The following KLHL14 variants were observed in gnomAD, a reference collection of about 807,000 sequenced individuals.
KLHL14 encodes kelch like family member 14.
Under a neutral mutation model 64.3 loss-of-function variants are expected in KLHL14, and 22 were observed. The ratio of observed to expected loss-of-function variants is 0.34; its 90% CI spans 0.24 to 0.49. KLHL14 has a LOEUF of 0.49. KLHL14 is among the 20% of genes least tolerant of loss of function. KLHL14 has a pLI of 0.99. For missense variants in KLHL14, 661 were observed against 789.0 expected, an observed-to-expected ratio of 0.84 and a Z score of 1.94; for synonymous variants, 322 against 333.4, an observed-to-expected ratio of 0.97 and a Z score of 0.37.
intron 3 of KLHL14, among the ~76,000 whole-genome samples, chr18:32,725,167 C>T (rs149064662): frequency 3.2e-4 from 48 of 152,128 alleles, no homozygotes; most frequent in African/African-American, 1.1e-3. Context: ...GATGGGACTA[C>T]AGGCATACAC....
At chr18:32,720,138 G>A (rs2050069948) in intron 3 of KLHL14, among the ~76,000 whole-genome samples, 1 of 152,212 alleles carries the variant, frequency 6.6e-6, no homozygotes, top group Non-Finnish European at 1.5e-5. Flanking sequence ...GCATGTATTA[G>A]CAAAAACTGG....
Position 32,769,784 on chromosome 18 carries a change from G to A in KLHL14, c.808C>T (p.Pro270Ser), listed in dbSNP as rs2050368088. The A allele has an allele frequency of 8.1e-6, 13 of 1,610,176 alleles. No individual in the cohort carries two copies. The highest frequency in any genetic ancestry group is 1.1e-5 in the Non-Finnish European group (13 of 1,177,314). Residue 270 changes from proline (P) to serine (S), a missense_variant, in exon 2 of 9, where the codon CCG (proline) becomes TCG (serine). By Grantham distance (74) the Pro-to-Ser change is moderately conservative (BLOSUM62 -1). Around this residue, in one of 2 missense-constraint regions of KLHL14, gnomAD observed 330 missense variants for 450.0 expected, o/e 0.73. Coordinates refer to ENST00000359358, the MANE Select transcript of KLHL14 (RefSeq NM_020805.3). ...ACCCGCTCCACCAGCTCCGGGGCCG[G>A]GATGAGGGCGAAGCGGAGGCGCTTC... ...LMKRLRFALI[P>S]APELVERVQS...
intron 3 of KLHL14, among the ~76,000 whole-genome samples, chr18:32,700,428 C>G (rs1294466110): frequency 6.6e-6 from 1 of 152,094 alleles, no homozygotes; most frequent in East Asian, 1.9e-4. Flanking sequence ...TACCCTCGGC[C>G]CACCCTCAGC....
At chr18:32,681,530 G>A (rs888897832) in intron 5 of KLHL14, among the ~76,000 whole-genome samples, 1 of 152,136 alleles carries the variant, frequency 6.6e-6, no homozygotes, top group African/African-American at 2.4e-5. Context: ...TGATTAGTTT[G>A]AAACTTGAAG....
intron 3 of KLHL14, among the ~76,000 whole-genome samples, chr18:32,718,917 T>C (rs1341641822): frequency 6.6e-6 from 1 of 152,230 alleles, no homozygotes; most frequent in Admixed American, 6.5e-5. Context: ...ATTTTCACTA[T>C]ATCATGCTAT....
chr18:32,755,152 G>A (rs1038371780), intron 2 of KLHL14, among the ~76,000 whole-genome samples: 1 of 151,946 alleles, frequency 6.6e-6, no homozygotes, highest in Non-Finnish European at 1.5e-5. Flanking sequence ...ACCAACCCTC[G>A]AGGGACCATG....
At chr18:32,734,024 A>G (rs2050150399) in intron 3 of KLHL14, 1 of 625,904 alleles carries the variant, frequency 1.6e-6, no homozygotes. Context: ...CTTCTCACCC[A>G]GAGGTCCTCC....
intron 2 of KLHL14, among the ~76,000 whole-genome samples, chr18:32,742,624 C>A (rs1276576395): frequency 4.6e-5 from 7 of 152,186 alleles, no homozygotes; most frequent in Non-Finnish European, 4.4e-5. Context: ...TAGACTTCTG[C>A]CTTCTTCCCC....
At chr18:32,750,055 A>AGC (rs2050243614) in intron 2 of KLHL14, among the ~76,000 whole-genome samples, 1 of 151,062 alleles carries the variant, frequency 6.6e-6, no homozygotes, top group Non-Finnish European at 1.5e-5. Flanking sequence ...GAGAGAGGAG[A>AGC]GCACACGTGT....
At chr18:32,743,003 C>G (rs184793002) in intron 2 of KLHL14, 210 of 152,396 alleles carry the variant, frequency 1.4e-3, no homozygotes, top group African/African-American at 4.9e-3. Context: ...TGCACCCTGG[C>G]CAGCACACTC....
In KLHL14 at chr18:32,719,896, C is replaced by T. The variant is rs866550280; in HGVS notation, c.1069+22032G>A. ...CAGGTGTAATGGGATGTGCTCCCTT[C>T]GCAGCCTGTACCTACTTCAATCTCA... On this transcript the variant is annotated intron_variant, in intron 3 of 8. Transcript: ENST00000359358. Among the ~76,000 whole-genome samples the T allele has an allele frequency of 3.3e-5, 5 of 152,182 alleles. No homozygotes were observed. The South Asian group carries it at 6.2e-4, about 19-fold the overall frequency.
intron 8 of KLHL14, among the ~76,000 whole-genome samples, chr18:32,676,166 G>C (rs1364420934): frequency 6.6e-6 from 1 of 152,078 alleles, no homozygotes; most frequent in East Asian, 1.9e-4. Context: ...GAAAAAGAAA[G>C]AAGCTGAATT....
intron 3 of KLHL14, among the ~76,000 whole-genome samples, chr18:32,706,671 C>T (rs1232058285): frequency 6.6e-6 from 1 of 152,012 alleles, no homozygotes; most frequent in Non-Finnish European, 1.5e-5. Context: ...TGTACACACA[C>T]ATGTATTCAG....
chr18:32,710,910 T>C (rs141586023), intron 3 of KLHL14, among the ~76,000 whole-genome samples: 185 of 151,900 alleles, frequency 1.2e-3, no homozygotes, highest in African/African-American at 4.3e-3. Flanking sequence ...TAAGGAGCAA[T>C]GGGATGTAAA....
At chr18:32,692,195 G>C (rs971461321) in intron 4 of KLHL14, among the ~76,000 whole-genome samples, 3 of 152,042 alleles carry the variant, frequency 2.0e-5, no homozygotes, top group African/African-American at 7.2e-5. Context: ...TAATATATTT[G>C]CTGACTTCAA....
rs1300106726 is a variant in KLHL14 at position 32,680,158 on chromosome 18, A to G, written c.1588+11T>C. 1.2e-6 allele frequency: 2 copies of G among 1,601,330 alleles called. No homozygotes were observed. ...TATTGTGACTAAAAAACAAAACAAC[A>G]AAAAAAAGACCTTTCAAATGATTTC... On this transcript the variant is annotated intron_variant, in intron 7 of 8. Transcript: ENST00000359358. The surrounding 1 kb of genome is among the most constrained non-coding windows in gnomAD (Gnocchi z 4.8).
intron 8 of KLHL14, among the ~76,000 whole-genome samples, chr18:32,675,459 AATT>A (rs2049807138): frequency 6.6e-6 from 1 of 152,198 alleles, no homozygotes; most frequent in Non-Finnish European, 1.5e-5. Flanking sequence ...TAGTTAAGAC[AATT>A]ATATTTCAGA....
intron 2 of KLHL14, among the ~76,000 whole-genome samples, chr18:32,761,964 T>G (rs1316996894): frequency 1.3e-5 from 2 of 152,168 alleles, no homozygotes; most frequent in Non-Finnish European, 2.9e-5. Context: ...CAGGTCAAAT[T>G]ACATGGGAAT....
intron 2 of KLHL14, among the ~76,000 whole-genome samples, chr18:32,768,036 C>G (rs541738624): frequency 5.9e-5 from 9 of 152,250 alleles, no homozygotes; most frequent in Non-Finnish European, 1.0e-4. Context: ...CAAGGCCCAT[C>G]GCCCATCACA....
Sources: allele counts gnomAD v4.1 joint callset (sites outside exome capture counted in the v4.1 genomes callset), GRCh38; gene constraint gnomAD v4.1.1; regional missense constraint gnomAD v4.1.1; non-coding constraint Gnocchi (gnomAD v3.1); transcripts MANE v1.5; gene names NCBI Gene and HGNC (gene_info 2026-07-23, HGNC 2026-07-21).